CELF2: variants seen among roughly 807,000 people sequenced by gnomAD.
The protein encoded by CELF2 is CUG triplet repeat RNA-binding protein 2.
CELF2 carries 8 observed loss-of-function variants against 62.6 expected under a neutral mutation model. The ratio of observed to expected loss-of-function variants is 0.13; its 90% CI spans 0.07 to 0.23. The LOEUF (loss-of-function observed/expected upper bound fraction) is 0.23. CELF2 is among the 10% of genes least tolerant of loss of function. The pLI is 1.00. For missense variants in CELF2, 333 were observed against 671.0 expected, an observed-to-expected ratio of 0.50 and a Z score of 5.56; for synonymous variants, 258 against 250.0, an observed-to-expected ratio of 1.03 and a Z score of -0.30.
At chr10:10,506,707 G>A in the CELF2 span, among the ~76,000 whole-genome samples, 2 of 65,020 alleles carry the variant, frequency 3.1e-5, no homozygotes, top group East Asian at 1.1e-3. Context: ...TTGAGATGGA[G>A]TCTCTGTTGT....
the CELF2 span, among the ~76,000 whole-genome samples, chr10:10,677,834 G>C: frequency 2.0e-5 from 3 of 152,176 alleles, no homozygotes; most frequent in African/African-American, 7.2e-5. Context: ...GAGTTGCTCA[G>C]TTGGCAAGAA....
upstream of CELF2, among the ~76,000 whole-genome samples, chr10:11,001,942 G>C (rs998178145): frequency 2.6e-5 from 4 of 152,134 alleles, no homozygotes; most frequent in African/African-American, 4.8e-5. Context: ...TTGGAATAAA[G>C]TTTGAAAGGA....
the CELF2 span, among the ~76,000 whole-genome samples, chr10:10,735,728 G>A: frequency 6.6e-6 from 1 of 152,140 alleles, no homozygotes; most frequent in East Asian, 1.9e-4. Context: ...GTCCTTGTTT[G>A]CATGGCTATG....
the CELF2 span, among the ~76,000 whole-genome samples, chr10:10,542,595 C>T: frequency 1.2e-4 from 18 of 152,234 alleles, no homozygotes; most frequent in South Asian, 2.1e-4. Context: ...ATAGGGAAGC[C>T]GCACAGGCTA....
chr10:11,281,760 T>C (rs1478819462), intron 8 of CELF2, among the ~76,000 whole-genome samples: 1 of 152,198 alleles, frequency 6.6e-6, no homozygotes, highest in Non-Finnish European at 1.5e-5. Context: ...TATATATGTA[T>C]GTTAATTGCC....
At chr10:10,775,718 T>C in the CELF2 span, among the ~76,000 whole-genome samples, 2 of 152,146 alleles carry the variant, frequency 1.3e-5, no homozygotes, top group Non-Finnish European at 2.9e-5. Context: ...GATTAGATTC[T>C]AAACATCAAA....
At chr10:10,619,952 G>GT in the CELF2 span, among the ~76,000 whole-genome samples, 1 of 152,072 alleles carries the variant, frequency 6.6e-6, no homozygotes, top group East Asian at 1.9e-4. Context: ...TGCCCTAAGA[G>GT]GTAAAATGGC....
upstream of CELF2, among the ~76,000 whole-genome samples, chr10:11,003,040 A>G (rs1297822324): frequency 6.6e-6 from 1 of 152,224 alleles, no homozygotes; most frequent in African/African-American, 2.4e-5. This position sits in a 1 kb window ranked among gnomAD's most constrained non-coding sequence, Gnocchi z 4.4. Context: ...CACTATGTAC[A>G]TGTTATAAAC....
In CELF2 at chr10:11,157,183, G is replaced by A. The variant is rs372406483; in HGVS notation, c.75-8303G>A. Among the ~76,000 whole-genome samples, 172 of 152,180 alleles carry A rather than the reference G, an allele frequency of 1.1e-3. 4 individuals carry two copies. In the South Asian group the frequency reaches 0.035, roughly 31 times the overall value. ...ACCCATGCACATGACTGCCGTCGGC[G>A]CCAGGGTCTTTGCTGGTACTTCCGT... On this transcript the variant is annotated intron_variant, in intron 1 of 12. Transcript: ENST00000633077. The surrounding 1 kb of genome is among the most constrained non-coding windows in gnomAD (Gnocchi z 4.9).
At chr10:10,598,869 C>T in the CELF2 span, among the ~76,000 whole-genome samples, 11 of 147,540 alleles carry the variant, frequency 7.5e-5, no homozygotes, top group African/African-American at 2.5e-4. Context: ...TTCTCTGCCT[C>T]AGCCTCCCCG....
chr10:10,771,205 G>A, the CELF2 span, among the ~76,000 whole-genome samples: 1 of 152,264 alleles, frequency 6.6e-6, no homozygotes, highest in Admixed American at 6.5e-5. Context: ...GGCAGCCAAG[G>A]TGACCTTTCC....
chr10:11,112,348 T>A (rs941036447), intron 1 of CELF2, among the ~76,000 whole-genome samples: 8 of 152,182 alleles, frequency 5.3e-5, no homozygotes, highest in Non-Finnish European at 8.8e-5. Context: ...GAATTTGAGA[T>A]GATGTGTTAT....
In CELF2 at chr10:10,979,371, A is replaced by G. The variant is rs539717166; in HGVS notation, c.89+59372A>G. The stretch of plus-strand genomic sequence containing the variant: ...AATAATTATGAGTGATAATAATTCT[A>G]ATAAAAATTACATCAGAAGCCTGAC... On this transcript the variant is annotated intron_variant, in intron 2 of 13. Transcript: ENST00000636488. Among the ~76,000 whole-genome samples, 6 of 152,274 alleles carry G rather than the reference A, an allele frequency of 3.9e-5. No individual in the cohort carries two copies. The South Asian group carries it at 1.2e-3, about 32-fold the overall frequency.
rs1167002984 is a variant in CELF2 at position 11,285,083 on chromosome 10, T to C, written c.842-3335T>C. ...ATAGTTGGGTGGTTACGCGGAATGA[T>C]GGATGGATGGATGGGTGGGTGGGTG... On this transcript the variant is annotated intron_variant, in intron 8 of 12. Transcript: ENST00000633077. This position sits in a 1 kb window ranked among gnomAD's most constrained non-coding sequence, Gnocchi z 4.3. 6.9e-6 allele frequency among the ~76,000 whole-genome samples: 1 copy of C among 145,176 alleles called. No homozygotes were observed. Among genetic ancestry groups the C allele is most frequent in the Non-Finnish European group, 1.5e-5 (1 of 65,842 alleles).
rs1016392078 is a variant in CELF2, at chr10:11,191,025, A to G, written c.271+25343A>G. On this transcript the variant is annotated intron_variant, in intron 2 of 12. Transcript: ENST00000633077. This position sits in a 1 kb window ranked among gnomAD's most constrained non-coding sequence, Gnocchi z 4.1. ...TATTTAATGCTGCTGACCTTCATGGACATCCTGGTCATGTGTACAGAAAAC... is the reference window on the plus strand; with the variant it reads ...TATTTAATGCTGCTGACCTTCATGGGCATCCTGGTCATGTGTACAGAAAAC... 6.6e-6 allele frequency among the ~76,000 whole-genome samples: 1 copy of G among 152,112 alleles called. No individual in the cohort carries two copies. Among genetic ancestry groups the G allele is most frequent in the Admixed American group, 6.6e-5 (1 of 15,264 alleles).
the CELF2 span, among the ~76,000 whole-genome samples, chr10:10,780,584 GAT>G: frequency 6.6e-6 from 1 of 152,090 alleles, no homozygotes; most frequent in African/African-American, 2.4e-5. Flanking sequence ...GGGTTCAAGC[GAT>G]TCTCCTGCCT....
the CELF2 span, among the ~76,000 whole-genome samples, chr10:10,620,668 C>T: frequency 6.6e-6 from 1 of 151,726 alleles, no homozygotes; most frequent in Non-Finnish European, 1.5e-5. Context: ...TTTGGGAGGC[C>T]GAGGCAGGCG....
intron 2 of CELF2, among the ~76,000 whole-genome samples, chr10:11,206,447 C>T (rs1414471449): frequency 6.6e-6 from 1 of 152,228 alleles, no homozygotes; most frequent in Non-Finnish European, 1.5e-5. Flanking sequence ...ACTTTAGAAA[C>T]TAAATCCTTC....
At chr10:11,287,534 C>T (rs1434656933) in intron 8 of CELF2, among the ~76,000 whole-genome samples, 1 of 152,210 alleles carries the variant, frequency 6.6e-6, no homozygotes, top group African/African-American at 2.4e-5. Context: ...ATGAGTCACA[C>T]ATTTATTCTA....
Sources: allele counts gnomAD v4.1 joint callset (sites outside exome capture counted in the v4.1 genomes callset), GRCh38; gene constraint gnomAD v4.1.1; non-coding constraint Gnocchi (gnomAD v3.1); transcripts MANE v1.5; gene names NCBI Gene and HGNC (gene_info 2026-07-23, HGNC 2026-07-21).